Variants in SPAG16 observed in about 807,000 individuals in gnomAD.
SPAG16 encodes the protein sperm-associated antigen 16 protein.
A neutral mutation model predicts 80.4 loss-of-function variants in SPAG16; 86 were observed. The observed-to-expected ratio is 1.07, with a 90% CI of 0.90 to 1.28. The LOEUF (loss-of-function observed/expected upper bound fraction) is 1.28, where lower values mean the gene tolerates loss of function less well. SPAG16 is among the 50% of genes most tolerant of loss of function. The pLI, the probability that SPAG16 is intolerant of heterozygous loss-of-function variation, is 0.00. For synonymous variants in SPAG16, 294 were observed against 265.9 expected, an observed-to-expected ratio of 1.11 and a Z score of -1.03; for missense variants, 870 against 765.3, an observed-to-expected ratio of 1.14 and a Z score of -1.61.
chr2:214,371,664 AATAT>A (rs1699825175), intron 15 of SPAG16, among the ~76,000 whole-genome samples: 1 of 147,674 alleles, frequency 6.8e-6, no homozygotes, highest in Admixed American at 7.0e-5. Flanking sequence ...TAAAATTATA[AATAT>A]ATAGTTATAG....
intron 9 of SPAG16, among the ~76,000 whole-genome samples, chr2:213,438,430 A>G (rs902594374): frequency 2.0e-5 from 3 of 152,170 alleles, no homozygotes; most frequent in African/African-American, 2.4e-5. Context: ...CCCACTGCTT[A>G]TTTTTATATA....
intron 7 of SPAG16, among the ~76,000 whole-genome samples, chr2:213,352,968 A>G (rs1047384524): frequency 6.6e-5 from 10 of 152,194 alleles, no homozygotes; most frequent in Admixed American, 5.9e-4. Context: ...GCTAAAACAT[A>G]GTTATTAGTG....
intron 9 of SPAG16, among the ~76,000 whole-genome samples, chr2:213,437,497 AT>A (rs1435084282): frequency 1.3e-5 from 2 of 152,176 alleles, no homozygotes; most frequent in Non-Finnish European, 2.9e-5. Context: ...TCCTAAAAAA[AT>A]CTTTTGCCTC....
At chr2:214,286,725 C>T (rs6717986) in intron 15 of SPAG16, among the ~76,000 whole-genome samples, 6,805 of 151,928 alleles carry the variant, frequency 0.045, 405 homozygotes, top group East Asian at 0.16. Flanking sequence ...CCAGCCTGGG[C>T]GACAGAGTGA....
chr2:213,675,434 G>A lies in SPAG16; in HGVS notation c.1070+185344G>A, dbSNP rs189131566. 8.3e-3 allele frequency among the ~76,000 whole-genome samples: 1,265 copies of A among 152,208 alleles called. 15 individuals are homozygous for A. Among genetic ancestry groups the A allele is most frequent in the Non-Finnish European group, 0.011 (734 of 68,012 alleles). ...TTTGGCTTTTGTTGCCGTTGCTTTT[G>A]GTGTTTTAGACATGAAGTCCTTGCC... On this transcript the variant is annotated intron_variant, in intron 10 of 15. Transcript: ENST00000331683.
At chr2:213,868,457 C>A (rs534685795) in intron 11 of SPAG16, among the ~76,000 whole-genome samples, 2 of 152,258 alleles carry the variant, frequency 1.3e-5, no homozygotes, top group East Asian at 1.9e-4. Context: ...CACAGAGTTA[C>A]ATAATCAATA....
At chr2:213,935,665 T>A (rs2078957264) in intron 12 of SPAG16, among the ~76,000 whole-genome samples, 1 of 152,212 alleles carries the variant, frequency 6.6e-6, no homozygotes, top group African/African-American at 2.4e-5. Flanking sequence ...ACTGAAATAA[T>A]GAAAAACGCC....
intron 13 of SPAG16, among the ~76,000 whole-genome samples, chr2:214,052,624 T>G (rs1412248573): frequency 6.6e-6 from 1 of 152,168 alleles, no homozygotes; most frequent in Non-Finnish European, 1.5e-5. Context: ...ATAAGAATAA[T>G]AATATAAACT....
rs1397964410 is a variant in SPAG16 at position 213,677,158 on chromosome 2, A to G, written c.1071-185327A>G. 5.3e-5 allele frequency among the ~76,000 whole-genome samples: 8 copies of G among 152,168 alleles called. No individual in the cohort carries two copies. The East Asian group carries it at 1.5e-3, about 29-fold the overall frequency. On this transcript the variant is annotated intron_variant, in intron 10 of 15. Coordinates refer to ENST00000331683, the MANE Select transcript of SPAG16 (RefSeq NM_024532.5). ...GGAACAACCGGTACCAGCCGCTGTA[A>G]AATCATGCCAAAATGTAGAGACCAT...
At chr2:214,378,274 C>T (rs1464255673) in intron 15 of SPAG16, among the ~76,000 whole-genome samples, 6 of 152,254 alleles carry the variant, frequency 3.9e-5, no homozygotes, top group Middle Eastern at 3.4e-3. Context: ...TCAGGCAAAT[C>T]GTTGGAGATA....
chr2:213,469,388 T>C (rs1559164266), intron 9 of SPAG16, among the ~76,000 whole-genome samples: 1 of 152,030 alleles, frequency 6.6e-6, no homozygotes, highest in Non-Finnish European at 1.5e-5. Context: ...AAAATGAAGA[T>C]GTTTTCTTAG....
intron 13 of SPAG16, among the ~76,000 whole-genome samples, chr2:214,091,262 A>G (rs532771000): frequency 6.6e-6 from 1 of 152,212 alleles, no homozygotes; most frequent in Admixed American, 6.6e-5. Flanking sequence ...TTACATTATT[A>G]TTTCATTTAT....
chr2:214,345,414 G>T (rs938503357), intron 15 of SPAG16, among the ~76,000 whole-genome samples: 1 of 151,954 alleles, frequency 6.6e-6, no homozygotes, highest in South Asian at 2.1e-4. Flanking sequence ...CTCTCCCTTT[G>T]TCTCCTTCCC....
chr2:213,742,017 T>A (rs1382042007), intron 10 of SPAG16, among the ~76,000 whole-genome samples: 1 of 152,168 alleles, frequency 6.6e-6, no homozygotes, highest in East Asian at 1.9e-4. Flanking sequence ...TTTGTTTTTT[T>A]AATCTAGTTC....
chr2:214,249,262 T>A (rs1018014125), intron 15 of SPAG16, among the ~76,000 whole-genome samples: 1 of 152,172 alleles, frequency 6.6e-6, no homozygotes, highest in Non-Finnish European at 1.5e-5. Context: ...GTAGAGTTAT[T>A]TTGAAAGTCA....
At chr2:213,583,667 C>T (rs2060368876) in intron 10 of SPAG16, among the ~76,000 whole-genome samples, 1 of 152,122 alleles carries the variant, frequency 6.6e-6, no homozygotes, top group African/African-American at 2.4e-5. Context: ...CAGTAACTAA[C>T]TGTTTAAACA....
At chr2:214,155,850 G>A (rs1312386231) in intron 15 of SPAG16, among the ~76,000 whole-genome samples, 1 of 152,034 alleles carries the variant, frequency 6.6e-6, no homozygotes, top group African/African-American at 2.4e-5. Context: ...TCTTGCCCCT[G>A]TTTTATAGTT....
At chr2:214,158,994 A>T (rs1043532395) in intron 15 of SPAG16, among the ~76,000 whole-genome samples, 1 of 152,002 alleles carries the variant, frequency 6.6e-6, no homozygotes, top group Admixed American at 6.6e-5. Context: ...CATTTAAGAA[A>T]TTCAAAAGAT....
At chr2:213,358,230 G>GT (rs1343028268) in intron 7 of SPAG16, among the ~76,000 whole-genome samples, 1 of 152,104 alleles carries the variant, frequency 6.6e-6, no homozygotes, top group Non-Finnish European at 1.5e-5. Context: ...TGACGATTAT[G>GT]TGTCTTAGGG....
Sources: allele counts gnomAD v4.1 joint callset (sites outside exome capture counted in the v4.1 genomes callset), GRCh38; gene constraint gnomAD v4.1.1; transcripts MANE v1.5; gene names NCBI Gene and HGNC (gene_info 2026-07-23, HGNC 2026-07-21).